Variants in ZFAND1 observed in about 807,000 individuals in gnomAD.
ZFAND1 encodes the protein zinc finger AN1-type containing 1.
A neutral mutation model predicts 38.5 loss-of-function variants in ZFAND1; 40 were observed. The ratio of observed to expected loss-of-function variants is 1.04; its 90% CI spans 0.81 to 1.35. The LOEUF (loss-of-function observed/expected upper bound fraction) is 1.35, where lower values mean the gene tolerates loss of function less well. ZFAND1 is among the 40% of genes most tolerant of loss of function. The probability of loss-of-function intolerance (pLI) is 0.00; values close to 1 mark genes in which losing one functional copy is unlikely to be tolerated. For synonymous variants in ZFAND1, 117 were observed against 103.6 expected (o/e 1.13, Z -0.78); for missense variants, 346 against 316.3 (o/e 1.09, Z -0.71).
intron 6 of ZFAND1, among the ~76,000 whole-genome samples, chr8:81,710,733 T>C (rs923138840): frequency 1.3e-5 from 2 of 152,176 alleles, no homozygotes; most frequent in African/African-American, 4.8e-5. Context: ...AACAATATTA[T>C]AATTCAAAAT....
chr8:81,716,947 CAAACA>C (rs887843972), intron 3 of ZFAND1, among the ~76,000 whole-genome samples: 1 of 152,040 alleles, frequency 6.6e-6, no homozygotes, highest in South Asian at 2.1e-4. Flanking sequence ...AACTCCATCT[CAAACA>C]AAACAAAACA....
At chr8:81,711,312 T>A (rs1254421730) in intron 6 of ZFAND1, among the ~76,000 whole-genome samples, 1 of 152,098 alleles carries the variant, frequency 6.6e-6, no homozygotes, top group Non-Finnish European at 1.5e-5. Flanking sequence ...CTCAGGAGGC[T>A]GAGGCAGGAG....
intron 1 of ZFAND1, among the ~76,000 whole-genome samples, chr8:81,719,491 A>C (rs181821001): frequency 2.0e-5 from 3 of 152,238 alleles, no homozygotes; most frequent in Admixed American, 2.0e-4. Context: ...TGGGTGACAG[A>C]GCCAGACTCC....
chr8:81,713,797 C>A (rs974259990), intron 6 of ZFAND1, 121 bp downstream of exon 6: 4 of 977,974 alleles, frequency 4.1e-6, no homozygotes, highest in Non-Finnish European at 6.2e-6. Context: ...ATATACCATG[C>A]AACATTAAGA....
At chr8:81,711,347 C>T (rs1057145770) in intron 6 of ZFAND1, among the ~76,000 whole-genome samples, 4 of 151,934 alleles carry the variant, frequency 2.6e-5, no homozygotes, top group Admixed American at 6.6e-5. Flanking sequence ...GGGAGGGGGA[C>T]GTTGCAGTGA....
chr8:81,717,391 C>T, intron 2 of ZFAND1, 103 bp from the exon 3 acceptor site: 9 of 752,432 alleles, frequency 1.2e-5, no homozygotes, highest in Non-Finnish European at 1.8e-5. Context: ...ACATTATGCT[C>T]ATACTACATT....
chr8:81,708,158 G>A (rs1808035517), intron 6 of ZFAND1, among the ~76,000 whole-genome samples: 2 of 150,594 alleles, frequency 1.3e-5, no homozygotes, highest in East Asian at 2.0e-4. Flanking sequence ...GCTGAGGCAG[G>A]AGAATTGCTT....
At position 81,717,179 on chromosome 8, in the gene ZFAND1, C is replaced by G. The variant is rs977737712; in HGVS notation, c.138+70G>C. The G allele has an allele frequency of 1.6e-5, 22 of 1,356,838 alleles. No individual in the cohort carries two copies. In the African/African-American group the frequency reaches 3.4e-4, roughly 21 times the overall value. 84.0% of individuals were successfully genotyped at this position (1,356,838 alleles called of 1,614,324 possible). Reference sequence around the variant, plus strand: ...TCTGTGATACTGACTGCCTTTAAATCTAATCAAATTCTGAATGAAAGTACA... The same window carrying G: ...TCTGTGATACTGACTGCCTTTAAATGTAATCAAATTCTGAATGAAAGTACA... On this transcript the variant is annotated intron_variant, in intron 3 of 7. Coordinates refer to ENST00000220669, the MANE Select transcript of ZFAND1 (RefSeq NM_024699.3).
At chr8:81,714,183 A>G in intron 5 of ZFAND1, 144 bp from the exon 6 acceptor site, 1 of 731,844 alleles carries the variant, frequency 1.4e-6, no homozygotes, top group Non-Finnish European at 2.1e-6. Context: ...TTGTATAGGT[A>G]TTGTATTTAC....
intron 6 of ZFAND1, chr8:81,708,920 G>A (rs953264998): frequency 2.5e-6 from 1 of 404,712 alleles, no homozygotes; most frequent in Non-Finnish European, 3.8e-6. Flanking sequence ...ACTTAGTATA[G>A]GCAATCCGTC....
At chr8:81,720,982 A>G (rs1808454429) in intron 1 of ZFAND1, 2 of 538,054 alleles carry the variant, frequency 3.7e-6, no homozygotes, top group Non-Finnish European at 6.6e-6. Flanking sequence ...CCCGCTCCTC[A>G]GGCCCTGCCT....
rs1336042445 is a variant in ZFAND1, at chr8:81,721,286, C to G, written c.-5G>C. The stretch of plus-strand genomic sequence containing the variant: ...CCCGATGTCCAACTCCGCCATCTCT[C>G]CGGCGCCGTAAGGGGCGGGGCAAAG... On this transcript the variant is annotated 5_prime_UTR_variant, in exon 1 of 8. Coordinates refer to ENST00000220669, the MANE Select transcript of ZFAND1 (RefSeq NM_024699.3). 6.5e-6 allele frequency: 10 copies of G among 1,548,492 alleles called. No individual in the cohort carries two copies. In the South Asian group the frequency reaches 1.1e-4, roughly 17 times the overall value.
chr8:81,703,630 T>G (rs1380580611), intron 6 of ZFAND1, among the ~76,000 whole-genome samples: 1 of 152,080 alleles, frequency 6.6e-6, no homozygotes, highest in African/African-American at 2.4e-5. Flanking sequence ...ACCATGTTGT[T>G]CAGGCTGGTC....
At chr8:81,718,308 A>C in intron 1 of ZFAND1, 84 bp from the exon 2 acceptor site, 1 of 1,139,224 alleles carries the variant, frequency 8.8e-7, no homozygotes, top group Non-Finnish European at 1.2e-6. Context: ...CTCTATGGAA[A>C]AACTTCCCAT....
At chr8:81,721,066 C>T (rs566377605) in intron 1 of ZFAND1, 161 bp downstream of exon 1, 1 of 606,294 alleles carries the variant, frequency 1.6e-6, no homozygotes, top group African/African-American at 1.9e-5. Context: ...AAACCCGCAC[C>T]AACCGATCTC....
chr8:81,708,646 T>A, intron 6 of ZFAND1: 1 of 568,082 alleles, frequency 1.8e-6, no homozygotes, highest in Non-Finnish European at 2.3e-6. Flanking sequence ...AAAGCAATTA[T>A]GAAATATCTT....
chr8:81,707,524 G>A (rs899365781), intron 6 of ZFAND1, among the ~76,000 whole-genome samples: 3 of 152,038 alleles, frequency 2.0e-5, no homozygotes, highest in African/African-American at 7.3e-5. Context: ...TCACAACCTT[G>A]CCCCATTATG....
At position 81,706,487 on chromosome 8, in the gene ZFAND1, C is replaced by T. The variant is rs369416821; in HGVS notation, c.481-3363G>A. ...ATAGGAGAGAGTCAACTGGATAAAG[C>T]CTTTCAAGCTCGTATTCAGGAGGAT... On this transcript the variant is annotated intron_variant, in intron 6 of 7. Coordinates refer to ENST00000220669, the MANE Select transcript of ZFAND1 (RefSeq NM_024699.3). Among the ~76,000 whole-genome samples the T allele has an allele frequency of 1.1e-4, 17 of 150,250 alleles. 1 individual carries two copies. The highest frequency in any genetic ancestry group is 3.9e-4 in the African/African-American group (16 of 40,966).
At chr8:81,711,203 G>A (rs552101507) in intron 6 of ZFAND1, among the ~76,000 whole-genome samples, 2 of 152,236 alleles carry the variant, frequency 1.3e-5, no homozygotes, top group Admixed American at 6.5e-5. Flanking sequence ...CACGAGGTCA[G>A]GAGTTCAAGA....
Sources: allele counts gnomAD v4.1 joint callset (sites outside exome capture counted in the v4.1 genomes callset), GRCh38; gene constraint gnomAD v4.1.1; transcripts MANE v1.5; gene names NCBI Gene and HGNC (gene_info 2026-07-23, HGNC 2026-07-21).